TMEM132B: variants seen among roughly 807,000 people sequenced by gnomAD.
TMEM132B encodes the protein transmembrane protein 132B.
TMEM132B carries 18 observed loss-of-function variants against 90.8 expected under a neutral mutation model. That is an observed-to-expected ratio of 0.20 (90% confidence interval 0.14 to 0.29). The LOEUF is 0.29. Ranked by LOEUF, TMEM132B falls within the 10% of genes least tolerant of loss-of-function variation. The probability of loss-of-function intolerance (pLI) is 1.00; values close to 1 mark genes in which losing one functional copy is unlikely to be tolerated. For synonymous variants in TMEM132B, 504 were observed against 523.3 expected, an observed-to-expected ratio of 0.96 and a Z score of 0.50; for missense variants, 1,096 against 1,326.8, an observed-to-expected ratio of 0.83 and a Z score of 2.70.
Position 125,247,821 on chromosome 12 carries a change from G to A in TMEM132B, c.67+60955G>A, listed in dbSNP as rs565208989. Among the ~76,000 whole-genome samples, 12 of 152,240 alleles carry A rather than the reference G, an allele frequency of 7.9e-5. No individual in the cohort carries two copies. The East Asian group carries it at 9.6e-4, about 12-fold the overall frequency. On this transcript the variant is annotated intron_variant, in intron 1 of 8. Coordinates refer to ENST00000682704, the MANE Select transcript of TMEM132B (RefSeq NM_001366854.1). ...TACTGGGACAGTGTGGGAACGTGCC[G>A]CCCCCACCTCCAGATGGCACGAAGT...
intron 5 of TMEM132B, among the ~76,000 whole-genome samples, chr12:125,639,382 C>T (rs1011873796): frequency 6.6e-6 from 1 of 152,244 alleles, no homozygotes; most frequent in Non-Finnish European, 1.5e-5. Context: ...TACAGATACA[C>T]ACACTACTGA....
chr12:125,619,137 T>C (rs562548399), intron 5 of TMEM132B, among the ~76,000 whole-genome samples: 1 of 152,210 alleles, frequency 6.6e-6, no homozygotes, highest in South Asian at 2.1e-4. Context: ...TCTGGCTGTT[T>C]TTGAAACAGC....
rs1881390911 is a variant in TMEM132B, at chr12:125,459,879, A to T, written c.1106+44202A>T. ...CACGGTAGTGGATAAGTCTCATGAGATCTGATGATTTTATAAGGGGTTTCC... is the reference window on the plus strand; with the variant it reads ...CACGGTAGTGGATAAGTCTCATGAGTTCTGATGATTTTATAAGGGGTTTCC... On this transcript the variant is annotated intron_variant, in intron 3 of 8. Coordinates refer to ENST00000682704, the MANE Select transcript of TMEM132B (RefSeq NM_001366854.1). The surrounding 1 kb of genome is among the most constrained non-coding windows in gnomAD (Gnocchi z 4.1). 2.6e-5 allele frequency among the ~76,000 whole-genome samples: 4 copies of T among 152,084 alleles called. No homozygotes were observed. The highest frequency in any genetic ancestry group is 1.3e-4 in the Admixed American group (2 of 15,266).
chr12:125,278,722 A>G (rs1440108800), intron 1 of TMEM132B, among the ~76,000 whole-genome samples: 2 of 152,152 alleles, frequency 1.3e-5, no homozygotes, highest in African/African-American at 4.8e-5. Flanking sequence ...TAAAGGCAAG[A>G]TATGAAACAC....
intron 5 of TMEM132B, among the ~76,000 whole-genome samples, chr12:125,605,371 T>C (rs1885668415): frequency 6.6e-6 from 1 of 152,188 alleles, no homozygotes; most frequent in African/African-American, 2.4e-5. Flanking sequence ...AATAAGTTAG[T>C]GTTGGTGGCA....
intron 1 of TMEM132B, among the ~76,000 whole-genome samples, chr12:125,323,425 G>C (rs11058139): frequency 8.6e-5 from 13 of 151,652 alleles, no homozygotes; most frequent in African/African-American, 2.9e-4. Context: ...AACAAAGCGA[G>C]ACTCTGCCTC....
chr12:125,402,484 A>G (rs1879348253), intron 2 of TMEM132B, among the ~76,000 whole-genome samples: 1 of 152,222 alleles, frequency 6.6e-6, no homozygotes, highest in Non-Finnish European at 1.5e-5. Context: ...GCTGGTAAAT[A>G]TATCTTGAAG....
intron 2 of TMEM132B, among the ~76,000 whole-genome samples, chr12:125,367,029 TTTTA>T (rs1367329374): frequency 6.6e-6 from 1 of 152,182 alleles, no homozygotes; most frequent in Non-Finnish European, 1.5e-5. Context: ...TTATTGTCAT[TTTTA>T]TTTGTTTGCT....
intron 1 of TMEM132B, among the ~76,000 whole-genome samples, chr12:125,289,334 A>C (rs1365230242): frequency 6.6e-6 from 1 of 152,214 alleles, no homozygotes; most frequent in Non-Finnish European, 1.5e-5. Flanking sequence ...GGCACAAGGC[A>C]CCCTTCTGGT....
chr12:125,554,710 T>C (rs1161450956), intron 4 of TMEM132B, among the ~76,000 whole-genome samples: 1 of 152,204 alleles, frequency 6.6e-6, no homozygotes, highest in Non-Finnish European at 1.5e-5. Flanking sequence ...TCATTTATGT[T>C]GCTGAGTTCA....
chr12:125,221,808 G>A lies in TMEM132B; in HGVS notation c.67+34942G>A, dbSNP rs115562694. 1.2e-3 allele frequency among the ~76,000 whole-genome samples: 180 copies of A among 152,348 alleles called. 2 individuals are homozygous for A. Among genetic ancestry groups the A allele is most frequent in the African/African-American group, 3.6e-3 (150 of 41,588 alleles). ...GCTTCCTGGAGGAGGTGTGACTTGC[G>A]TGGGGCCTTGAAGGTCTGGTATAAC... On this transcript the variant is annotated intron_variant, in intron 1 of 8. Transcript: ENST00000682704.
intron 3 of TMEM132B, among the ~76,000 whole-genome samples, chr12:125,454,386 G>A (rs1173276630): frequency 2.2e-5 from 3 of 135,516 alleles, no homozygotes; most frequent in African/African-American, 6.1e-5. Flanking sequence ...GTGTGTGTGT[G>A]TGTGTTTGTG....
intron 1 of TMEM132B, among the ~76,000 whole-genome samples, chr12:125,262,981 G>A (rs1593060347): frequency 6.6e-6 from 1 of 152,314 alleles, no homozygotes; most frequent in South Asian, 2.1e-4. Flanking sequence ...TGAGCATGGA[G>A]TGGATTGGAG....
chr12:125,309,176 G>T (rs1876066084), intron 1 of TMEM132B, among the ~76,000 whole-genome samples: 1 of 152,124 alleles, frequency 6.6e-6, no homozygotes, highest in Non-Finnish European at 1.5e-5. Context: ...GAGACATTCA[G>T]ATTCTTTGTT....
chr12:125,187,203 C>A (rs1032803926), intron 1 of TMEM132B, among the ~76,000 whole-genome samples: 2 of 152,214 alleles, frequency 1.3e-5, no homozygotes, highest in African/African-American at 2.4e-5. Flanking sequence ...CCAAATCCCC[C>A]CCAGGTCCCA....
rs763840695 is a variant in TMEM132B, at chr12:125,609,816, C to CAAAA, written c.1437+25848_1437+25851dup. Among the ~76,000 whole-genome samples, 27 of 39,436 alleles carry CAAAA rather than the reference C, an allele frequency of 6.8e-4. 3 individuals carry two copies. The highest frequency in any genetic ancestry group is 2.0e-3 in the African/African-American group (20 of 10,216). 25.9% of individuals were successfully genotyped at this position (39,436 alleles called of 152,430 possible). A position where few individuals can be genotyped will look rare whatever the true frequency, so the allele number is the denominator to read the frequency against. ...TGGGCGACAGAGTGAGACTCTGTCT[C>CAAAA]AAAAAAAAAAAAAAAAAAAAAAAAA... On this transcript the variant is annotated intron_variant, in intron 5 of 8. Transcript: ENST00000682704.
At chr12:125,297,491 A>G (rs571249199) in intron 1 of TMEM132B, among the ~76,000 whole-genome samples, 3 of 152,242 alleles carry the variant, frequency 2.0e-5, no homozygotes, top group Admixed American at 6.5e-5. Context: ...GCAGAGCAGG[A>G]CCACGCTTCA....
At chr12:125,511,766 G>A (rs12305768) in intron 3 of TMEM132B, among the ~76,000 whole-genome samples, 7,545 of 151,128 alleles carry the variant, frequency 0.05, 455 homozygotes, top group African/African-American at 0.15. Flanking sequence ...GCAGGAGAAT[G>A]GCGTGAACCC....
chr12:125,366,920 A>T (rs1878152238), intron 2 of TMEM132B, among the ~76,000 whole-genome samples: 1 of 151,970 alleles, frequency 6.6e-6, no homozygotes, highest in African/African-American at 2.4e-5. Flanking sequence ...AAATTCATTG[A>T]TTCTTTCTCC....
Sources: gnomAD v4.1 joint callset for allele counts (sites outside exome capture counted in the v4.1 genomes callset) on GRCh38, gnomAD v4.1.1 for gene constraint, Gnocchi (gnomAD v3.1) non-coding constraint, MANE v1.5 for transcripts, NCBI Gene and HGNC (gene_info 2026-07-23, HGNC 2026-07-21) for gene names.